Variants in FAT3 observed in about 807,000 individuals in gnomAD.
FAT3 encodes FAT atypical cadherin 3, also known as protocadherin Fat 3.
FAT3 carries 95 observed loss-of-function variants against 310.2 expected under a neutral mutation model. That is an observed-to-expected ratio of 0.31 (90% CI 0.26 to 0.36). FAT3 has a LOEUF of 0.36. Ranked by LOEUF, FAT3 falls within the 10% of genes least tolerant of loss-of-function variation. The pLI, the probability that FAT3 is intolerant of heterozygous loss-of-function variation, is 1.00. For synonymous variants in FAT3, 2,314 were observed against 2,192.9 expected, an observed-to-expected ratio of 1.06 and a Z score of -1.54; for missense variants, 5,408 against 5,715.6, an observed-to-expected ratio of 0.95 and a Z score of 1.74.
intron 3 of FAT3, among the ~76,000 whole-genome samples, chr11:92,571,442 A>G (rs1955661323): frequency 2.0e-5 from 3 of 152,206 alleles, no homozygotes; most frequent in Non-Finnish European, 4.4e-5. Context: ...AGTCATCAGG[A>G]TCCTAACTGC....
intron 19 of FAT3, among the ~76,000 whole-genome samples, chr11:92,854,298 G>C (rs1239729758): frequency 6.6e-6 from 1 of 152,228 alleles, no homozygotes; most frequent in East Asian, 1.9e-4. Flanking sequence ...GCAGGGGAAA[G>C]GGGTGGGGCT....
intron 19 of FAT3, 113 bp from the exon 20 acceptor site, chr11:92,857,101 A>G: frequency 2.0e-6 from 3 of 1,497,452 alleles, no homozygotes; most frequent in East Asian, 2.3e-5. Flanking sequence ...CAGAGCCCAC[A>G]TATCCCAGCT....
intron 6 of FAT3, 91 bp from the exon 7 acceptor site, chr11:92,773,950 T>G: frequency 6.8e-7 from 1 of 1,460,614 alleles, no homozygotes; most frequent in Non-Finnish European, 9.2e-7. Flanking sequence ...AAAAAAAATT[T>G]CTGTATAAGA....
At chr11:92,534,088 G>A (rs561608352) in intron 3 of FAT3, among the ~76,000 whole-genome samples, 24 of 152,218 alleles carry the variant, frequency 1.6e-4, no homozygotes, top group African/African-American at 4.8e-4. Flanking sequence ...ACCACTGCCC[G>A]CCTCTCTCCA....
intron 3 of FAT3, among the ~76,000 whole-genome samples, chr11:92,579,328 ATG>A (rs1053307324): frequency 5.3e-5 from 8 of 152,130 alleles, no homozygotes; most frequent in Non-Finnish European, 8.8e-5. Flanking sequence ...AGAGGATAGA[ATG>A]AAAAGAAATT....
intron 2 of FAT3, among the ~76,000 whole-genome samples, chr11:92,487,533 G>A (rs749152343): frequency 2.4e-4 from 36 of 152,234 alleles, no homozygotes; most frequent in Non-Finnish European, 4.3e-4. Context: ...CAGATATAAT[G>A]TACTCTAGAG....
intron 1 of FAT3, among the ~76,000 whole-genome samples, chr11:92,269,940 C>A (rs1946077953): frequency 6.6e-6 from 1 of 152,056 alleles, no homozygotes; most frequent in Non-Finnish European, 1.5e-5. Context: ...AAGCTCACTT[C>A]TTTTTAAATG....
intron 2 of FAT3, among the ~76,000 whole-genome samples, chr11:92,468,791 A>G (rs778384794): frequency 3.2e-4 from 48 of 152,160 alleles, no homozygotes; most frequent in Non-Finnish European, 5.4e-4. Flanking sequence ...GAACTCACTC[A>G]CTATCATGAG....
chr11:92,395,849 G>T (rs1047906625), intron 2 of FAT3, among the ~76,000 whole-genome samples: 2 of 152,096 alleles, frequency 1.3e-5, no homozygotes, highest in African/African-American at 4.8e-5. Context: ...AAAGTGCTGG[G>T]ATTACAGGCA....
intron 1 of FAT3, among the ~76,000 whole-genome samples, chr11:92,328,237 G>A (rs1947816182): frequency 6.6e-6 from 1 of 152,134 alleles, no homozygotes; most frequent in Non-Finnish European, 1.5e-5. Flanking sequence ...CTCTGAACAC[G>A]AAATCATACT....
chr11:92,786,658 C>T (rs1946901394), intron 7 of FAT3, among the ~76,000 whole-genome samples: 1 of 151,964 alleles, frequency 6.6e-6, no homozygotes, highest in Non-Finnish European at 1.5e-5. Context: ...TATGGGAATG[C>T]AAAATGATAA....
At chr11:92,832,085 C>T in intron 14 of FAT3, 74 bp downstream of exon 14, 1 of 1,440,594 alleles carries the variant, frequency 6.9e-7, no homozygotes, top group South Asian at 1.4e-5. Flanking sequence ...AAACCTAGCA[C>T]TTTGGGAGGC....
At chr11:92,567,715 GA>G (rs1364344593) in intron 3 of FAT3, among the ~76,000 whole-genome samples, 1 of 152,078 alleles carries the variant, frequency 6.6e-6, no homozygotes. Flanking sequence ...CATAAAAAAT[GA>G]TGAGTTCATG....
chr11:92,444,583 C>T (rs2135092581), intron 2 of FAT3, among the ~76,000 whole-genome samples: 1 of 150,798 alleles, frequency 6.6e-6, no homozygotes, highest in African/African-American at 2.4e-5. Context: ...TATTTAGAGT[C>T]CATCTCAGAC....
At chr11:92,244,099 A>G (rs1408009057) in intron 1 of FAT3, among the ~76,000 whole-genome samples, 1 of 152,094 alleles carries the variant, frequency 6.6e-6, no homozygotes, top group African/African-American at 2.4e-5. Flanking sequence ...TTAGAAGAGA[A>G]CTTTGAAGTA....
intron 2 of FAT3, among the ~76,000 whole-genome samples, chr11:92,461,833 C>T (rs1951645809): frequency 6.6e-6 from 1 of 152,158 alleles, no homozygotes; most frequent in African/African-American, 2.4e-5. Context: ...GAAACTTCCT[C>T]TCACCCTCGC....
At chr11:92,492,978 G>GT (rs902151856) in intron 2 of FAT3, among the ~76,000 whole-genome samples, 86 of 152,046 alleles carry the variant, frequency 5.7e-4, no homozygotes, top group African/African-American at 1.9e-3. Context: ...TTTCTGTTTT[G>GT]TTTTTTCTTT....
intron 2 of FAT3, among the ~76,000 whole-genome samples, chr11:92,390,727 A>T (rs1223881112): frequency 6.6e-6 from 1 of 152,182 alleles, no homozygotes; most frequent in Non-Finnish European, 1.5e-5. Context: ...GAATACTCTA[A>T]TATGGCCTCC....
chr11:92,760,630 CT>C (rs1329641430), intron 4 of FAT3, among the ~76,000 whole-genome samples: 1 of 152,158 alleles, frequency 6.6e-6, no homozygotes, highest in African/African-American at 2.4e-5. Context: ...TTTTGAGCCT[CT>C]GTTTTCTCAA....
Sources: gnomAD v4.1 joint callset for allele counts (sites outside exome capture counted in the v4.1 genomes callset) on GRCh38, gnomAD v4.1.1 for gene constraint, MANE v1.5 for transcripts, NCBI Gene and HGNC (gene_info 2026-07-23, HGNC 2026-07-21) for gene names.